Variants in PLA2G4E observed in about 807,000 individuals in gnomAD.
The protein encoded by PLA2G4E is phospholipase A2 group IVE.
In PLA2G4E, 84 loss-of-function variants were observed where a neutral mutation model predicts 109.1. That is an observed-to-expected ratio of 0.77 (90% CI 0.65 to 0.92). The LOEUF is 0.92. Ranked by LOEUF, PLA2G4E falls within the 40% of genes least tolerant of loss-of-function variation. The pLI, the probability that PLA2G4E is intolerant of heterozygous loss-of-function variation, is 0.00. For synonymous variants in PLA2G4E, 469 were observed against 436.1 expected (o/e 1.08, Z -0.94); for missense variants, 1,057 against 1,076.6 (o/e 0.98, Z 0.25).
intron 6 of PLA2G4E, among the ~76,000 whole-genome samples, chr15:42,002,323 G>A (rs897285301): frequency 2.6e-5 from 4 of 151,436 alleles, no homozygotes; most frequent in Non-Finnish European, 4.4e-5. Context: ...GGGGTTGTGG[G>A]GTACAGGACC....
exon 20 of PLA2G4E, chr15:41,982,912 C>T (rs1447982116): frequency 1.3e-5 from 2 of 152,224 alleles, no homozygotes; most frequent in Non-Finnish European, 2.9e-5. Context: ...AGGGCTCCAT[C>T]TAGATCTTCT....
At chr15:41,986,354 TA>T (rs978709861) in intron 17 of PLA2G4E, among the ~76,000 whole-genome samples, 1 of 152,126 alleles carries the variant, frequency 6.6e-6, no homozygotes, top group Non-Finnish European at 1.5e-5. Context: ...CACGGCCAAT[TA>T]AAATATTAAG....
chr15:42,010,240 G>T, intron 2 of PLA2G4E: 2 of 460,648 alleles, frequency 4.3e-6, no homozygotes, highest in Non-Finnish European at 8.8e-6. Flanking sequence ...AATGCACTTG[G>T]CGCGCATGAT....
chr15:42,038,463 A>G lies in PLA2G4E; in HGVS notation c.183+12058T>C, dbSNP rs151050459. On this transcript the variant is annotated intron_variant, in intron 1 of 19. Transcript: ENST00000399518. ...TGGGGGTGATGGGAGACAGTGACAG[A>G]TCATCAGGCATTAGATTCTCACAAG... Among the ~76,000 whole-genome samples the G allele has an allele frequency of 6.0e-3, 917 of 152,372 alleles. 14 individuals are homozygous for G. Among genetic ancestry groups the G allele is most frequent in the African/African-American group, 0.021 (882 of 41,588 alleles).
chr15:41,989,605 C>A, intron 14 of PLA2G4E, 53 bp from the exon 15 acceptor site: 1 of 1,564,530 alleles, frequency 6.4e-7, no homozygotes, highest in Admixed American at 1.9e-5. Context: ...GAGCCGTCCA[C>A]ACAGCCGGGC....
chr15:42,015,508 A>G (rs1313095636), intron 1 of PLA2G4E, among the ~76,000 whole-genome samples: 1 of 152,218 alleles, frequency 6.6e-6, no homozygotes, highest in African/African-American at 2.4e-5. Context: ...TGTTGCTCTG[A>G]GAGTGCCAGC....
At position 42,000,714 on chromosome 15, in the gene PLA2G4E, G is replaced by T. The variant is rs75985985; in HGVS notation, c.674-432C>A. On this transcript the variant is annotated intron_variant, in intron 7 of 19. Transcript: ENST00000399518. ...TGGGGTGGGGTGGGGAGTAGGGTAG[G>T]GGTATGGTATTCATGGATCTCTTAG... Among the ~76,000 whole-genome samples the T allele has an allele frequency of 7.9e-5, 12 of 152,298 alleles. No individual in the cohort carries two copies. The East Asian group carries it at 2.3e-3, about 29-fold the overall frequency.
At chr15:42,003,214 C>T (rs1294546830) in intron 5 of PLA2G4E, among the ~76,000 whole-genome samples, 3 of 152,236 alleles carry the variant, frequency 2.0e-5, no homozygotes, top group Non-Finnish European at 4.4e-5. Context: ...GAGTCCACAG[C>T]ATCCCTTGTC....
chr15:41,983,889 T>G, exon 20 of PLA2G4E: 1 of 1,613,530 alleles, frequency 6.2e-7, no homozygotes, highest in Non-Finnish European at 8.5e-7. Flanking sequence ...CCTCTGTGTA[T>G]GTCAGCTCCT....
chr15:42,015,255 C>A (rs539529518), intron 1 of PLA2G4E, among the ~76,000 whole-genome samples: 1 of 152,172 alleles, frequency 6.6e-6, no homozygotes, highest in African/African-American at 2.4e-5. Flanking sequence ...GGCCCTGAAA[C>A]CCCCTCTTCC....
At chr15:42,027,007 G>A (rs752714618) in intron 1 of PLA2G4E, among the ~76,000 whole-genome samples, 27 of 151,806 alleles carry the variant, frequency 1.8e-4, no homozygotes, top group Non-Finnish European at 3.5e-4. Flanking sequence ...AGATGTGTAT[G>A]AGGGCATTCA....
chr15:42,004,278 G>A (rs1235336349), intron 5 of PLA2G4E, among the ~76,000 whole-genome samples: 1 of 150,358 alleles, frequency 6.7e-6, no homozygotes. Context: ...CTCTAGCCTG[G>A]ATGACAGAGT....
chr15:41,989,738 C>T (rs1399856868), intron 14 of PLA2G4E, among the ~76,000 whole-genome samples, 186 bp from the exon 15 acceptor site: 1 of 152,210 alleles, frequency 6.6e-6, no homozygotes, highest in Non-Finnish European at 1.5e-5. Flanking sequence ...CAAGGGTCAG[C>T]TTTGCCATGC....
At chr15:42,033,697 G>T (rs1351633014) in intron 1 of PLA2G4E, among the ~76,000 whole-genome samples, 1 of 152,212 alleles carries the variant, frequency 6.6e-6, no homozygotes. Flanking sequence ...AAAGGCAGAA[G>T]AGGGTCCTCT....
chr15:41,988,117 G>A (rs1595556775), exon 16 of PLA2G4E: 1 of 1,606,100 alleles, frequency 6.2e-7, no homozygotes, highest in East Asian at 2.2e-5. Context: ...CAGGTTCCAG[G>A]CATCCAGCAG....
chr15:41,996,861 C>T (rs956561007), intron 11 of PLA2G4E, among the ~76,000 whole-genome samples: 3 of 152,188 alleles, frequency 2.0e-5, no homozygotes, highest in Non-Finnish European at 4.4e-5. Context: ...GAGTAAGGCC[C>T]CTTTAGCCAC....
chr15:42,019,256 T>A (rs2724935), intron 1 of PLA2G4E, among the ~76,000 whole-genome samples: 9 of 152,280 alleles, frequency 5.9e-5, no homozygotes, highest in African/African-American at 9.6e-5. Flanking sequence ...CTCAGCCTCC[T>A]CATTGGAGCT....
intron 17 of PLA2G4E, chr15:41,986,950 C>T (rs569389937): frequency 7.3e-5 from 43 of 586,416 alleles, no homozygotes; most frequent in East Asian, 5.1e-4. Flanking sequence ...AATGACTGTA[C>T]AGATGCAGTG....
chr15:42,030,651 A>T (rs1288111420), intron 1 of PLA2G4E, among the ~76,000 whole-genome samples: 1 of 152,230 alleles, frequency 6.6e-6, no homozygotes, highest in East Asian at 1.9e-4. Flanking sequence ...GCCATCCCCC[A>T]TTAAGCTAGA....
Sources: gnomAD v4.1 joint callset for allele counts (sites outside exome capture counted in the v4.1 genomes callset) on GRCh38, gnomAD v4.1.1 for gene constraint, MANE v1.5 for transcripts, NCBI Gene and HGNC (gene_info 2026-07-23, HGNC 2026-07-21) for gene names.